PKHD1: variants seen among roughly 807,000 people sequenced by gnomAD.
The protein encoded by PKHD1 is PKHD1 ciliary IPT domain containing fibrocystin/polyductin.
A neutral mutation model predicts 412.0 loss-of-function variants in PKHD1; 291 were observed. That is an observed-to-expected ratio of 0.71 (90% CI 0.64 to 0.78). The LOEUF (loss-of-function observed/expected upper bound fraction) is 0.78. Among genes scored for constraint, PKHD1 ranks in the 30% least tolerant of loss-of-function variants. The pLI is 0.00. For synonymous variants in PKHD1, 1,777 were observed against 1,821.5 expected (o/e 0.98, Z 0.62); for missense variants, 4,825 against 4,950.7 (o/e 0.97, Z 0.76).
intron 35 of PKHD1, among the ~76,000 whole-genome samples, chr6:51,997,504 T>C (rs1158332679): frequency 6.6e-6 from 1 of 152,244 alleles, no homozygotes; most frequent in Non-Finnish European, 1.5e-5. Flanking sequence ...ATAAACAGAT[T>C]ATAGAGAGCT....
intron 60 of PKHD1, among the ~76,000 whole-genome samples, chr6:51,719,564 A>G (rs981445385): frequency 2.0e-5 from 3 of 151,948 alleles, no homozygotes; most frequent in South Asian, 2.1e-4. Context: ...AAAATTAATC[A>G]TTGACAGCCT....
At chr6:52,016,596 A>G (rs1485718906) in intron 34 of PKHD1, among the ~76,000 whole-genome samples, 1 of 148,904 alleles carries the variant, frequency 6.7e-6, no homozygotes, top group Non-Finnish European at 1.5e-5. Flanking sequence ...AGATCATGCC[A>G]TTGCACTCCA....
intron 60 of PKHD1, among the ~76,000 whole-genome samples, chr6:51,714,745 C>A (rs529093837): frequency 5.3e-4 from 80 of 152,184 alleles, no homozygotes; most frequent in African/African-American, 1.9e-3. Flanking sequence ...AGAGCCAGAA[C>A]TCTGGAACCT....
At chr6:51,847,049 T>G (rs1282605434) in intron 50 of PKHD1, among the ~76,000 whole-genome samples, 1 of 152,000 alleles carries the variant, frequency 6.6e-6, no homozygotes, top group African/African-American at 2.4e-5. Context: ...AGGCTCAACT[T>G]CCTGGGCTCA....
At chr6:51,759,941 A>G (rs1304627248) in intron 55 of PKHD1, among the ~76,000 whole-genome samples, 2 of 152,044 alleles carry the variant, frequency 1.3e-5, no homozygotes, top group African/African-American at 4.8e-5. Context: ...CCTTCCAAAC[A>G]TATGCCTTTC....
chr6:52,025,033 T>C lies in PKHD1; in HGVS notation c.4777A>G (p.Ile1593Val). Residue 1593 changes from isoleucine (I) to valine (V), a missense_variant, in exon 32 of 67, where the codon ATA (isoleucine) becomes GTA (valine). Ile to Val is a conservative substitution (Grantham distance 29, BLOSUM62 3). Coordinates refer to ENST00000371117, the MANE Select transcript of PKHD1 (RefSeq NM_138694.4). Reference protein sequence around the residue: ...FSLHGGSLLTIEGTGLRGQNT... With the variant: ...FSLHGGSLLTVEGTGLRGQNT... ...TGTCCTCTCAGGCCTGTGCCCTCTA[T>C]GGTCAAGAGGCTTCCACCATGTAAG... 6.2e-7 allele frequency: 1 copy of C among 1,614,102 alleles called. No individual in the cohort carries two copies.
At chr6:52,061,671 G>A (rs941084460) in intron 14 of PKHD1, among the ~76,000 whole-genome samples, 7 of 147,362 alleles carry the variant, frequency 4.8e-5, no homozygotes, top group African/African-American at 9.9e-5. Flanking sequence ...TACCTTCAAC[G>A]GTAAAAACCG....
At chr6:51,657,115 A>C (rs1465886162) in intron 61 of PKHD1, among the ~76,000 whole-genome samples, 1 of 36,968 alleles carries the variant, frequency 2.7e-5, no homozygotes, top group Non-Finnish European at 6.9e-5. Flanking sequence ...AAAGTATAAT[A>C]ATAATAAAAA....
chr6:51,757,305 G>T (rs1029582585), intron 55 of PKHD1, among the ~76,000 whole-genome samples: 1 of 152,144 alleles, frequency 6.6e-6, no homozygotes, highest in African/African-American at 2.4e-5. Flanking sequence ...AATATTCTGT[G>T]TAATACTATG....
At chr6:51,852,017 T>C (rs975985754) in intron 49 of PKHD1, among the ~76,000 whole-genome samples, 7 of 152,208 alleles carry the variant, frequency 4.6e-5, no homozygotes, top group Non-Finnish European at 1.0e-4. Context: ...TTTGAGATCT[T>C]TCTAGCTTTC....
At chr6:51,799,015 C>T (rs1408505695) in intron 52 of PKHD1, among the ~76,000 whole-genome samples, 1 of 152,162 alleles carries the variant, frequency 6.6e-6, no homozygotes, top group African/African-American at 2.4e-5. Flanking sequence ...CTACCAACTC[C>T]AAATGTACCA....
intron 60 of PKHD1, among the ~76,000 whole-genome samples, chr6:51,717,130 A>G (rs1781364022): frequency 6.6e-6 from 1 of 152,206 alleles, no homozygotes; most frequent in Non-Finnish European, 1.5e-5. Context: ...TCCAGTCAAC[A>G]ATGGACTCCA....
At chr6:51,855,281 C>T (rs866133384) in intron 49 of PKHD1, among the ~76,000 whole-genome samples, 1 of 152,164 alleles carries the variant, frequency 6.6e-6, no homozygotes, top group African/African-American at 2.4e-5. Flanking sequence ...CCTTGGTTGC[C>T]GATGAAGGCT....
chr6:51,636,118 T>C (rs1472429705), intron 64 of PKHD1, among the ~76,000 whole-genome samples: 1 of 152,172 alleles, frequency 6.6e-6, no homozygotes, highest in South Asian at 2.1e-4. Flanking sequence ...GATTTGATAA[T>C]ATGTCAGACC....
At chr6:51,820,787 C>T (rs1281336295) in intron 52 of PKHD1, among the ~76,000 whole-genome samples, 3 of 152,080 alleles carry the variant, frequency 2.0e-5, no homozygotes, top group Non-Finnish European at 4.4e-5. Flanking sequence ...GTCACTTCAG[C>T]AAAGTTCTTA....
chr6:51,710,135 G>A (rs9367447), intron 60 of PKHD1, among the ~76,000 whole-genome samples: 48,394 of 151,850 alleles, frequency 0.32, 8,612 homozygotes, highest in East Asian at 0.62. Flanking sequence ...GCTTGACCCC[G>A]GGAGGCAGAG....
chr6:51,702,229 G>GTATAATATATAATATATTATATATA (rs1294842919), intron 60 of PKHD1, among the ~76,000 whole-genome samples: 1 of 92,670 alleles, frequency 1.1e-5, no homozygotes, highest in African/African-American at 3.5e-5. Flanking sequence ...TTATATATAT[G>GTATAATATATAATATATTATATATA]TCATGGAATA....
chr6:52,031,412 T>C (rs186037839), intron 29 of PKHD1, among the ~76,000 whole-genome samples: 92 of 152,344 alleles, frequency 6.0e-4, no homozygotes, highest in African/African-American at 2.1e-3. Context: ...CTGGCCTCAC[T>C]TCCATTTTCT....
At chr6:52,030,060 T>C (rs976322754) in intron 29 of PKHD1, among the ~76,000 whole-genome samples, 1 of 152,216 alleles carries the variant, frequency 6.6e-6, no homozygotes, top group Non-Finnish European at 1.5e-5. Flanking sequence ...AAACATGGCT[T>C]GGGCTAAAGC....
Sources: allele counts gnomAD v4.1 joint callset (sites outside exome capture counted in the v4.1 genomes callset), GRCh38; gene constraint gnomAD v4.1.1; transcripts MANE v1.5; gene names NCBI Gene and HGNC (gene_info 2026-07-23, HGNC 2026-07-21).